The following AKAP3 variants were observed in gnomAD, a reference collection of about 807,000 sequenced individuals.
The protein encoded by AKAP3 is A-kinase anchoring protein 3.
AKAP3 carries 27 observed loss-of-function variants against 57.2 expected under a neutral mutation model. The observed-to-expected ratio is 0.47, with a 90% confidence interval of 0.35 to 0.65. AKAP3 has a LOEUF of 0.65. AKAP3 is among the 30% of genes least tolerant of loss of function. AKAP3 has a pLI of 0.01. For synonymous variants in AKAP3, 334 were observed against 392.3 expected (o/e 0.85, Z 1.76); for missense variants, 959 against 1,040.0 (o/e 0.92, Z 1.07).
intron 5 of AKAP3, among the ~76,000 whole-genome samples, chr12:4,620,431 C>T (rs910822920): frequency 7.8e-6 from 1 of 128,786 alleles, no homozygotes; most frequent in African/African-American, 3.0e-5. Flanking sequence ...GAGCCACGAT[C>T]GTGCCACTAC....
At chr12:4,636,303 C>T (rs563574650) in intron 4 of AKAP3, among the ~76,000 whole-genome samples, 64 of 152,340 alleles carry the variant, frequency 4.2e-4, no homozygotes, top group African/African-American at 1.3e-3. Context: ...AGGCATGGCC[C>T]GTAGGACGAG....
intron 5 of AKAP3, among the ~76,000 whole-genome samples, chr12:4,616,649 C>G (rs1201022576): frequency 6.6e-6 from 1 of 152,078 alleles, no homozygotes; most frequent in Admixed American, 6.6e-5. Context: ...AGAACTAAAA[C>G]TTACCTACAA....
rs1475620109 is a variant in AKAP3, at chr12:4,646,623, G to GAT, written c.-244-1433_-244-1432dup. Among the ~76,000 whole-genome samples, 4 of 151,604 alleles carry GAT rather than the reference G, an allele frequency of 2.6e-5. No homozygotes were observed. The East Asian group carries it at 7.8e-4, about 29-fold the overall frequency. On this transcript the variant is annotated intron_variant, in intron 1 of 5. Coordinates refer to ENST00000228850, the MANE Select transcript of AKAP3 (RefSeq NM_001278309.2). ...GGAGGCGGAAGTTGCAGTGAGCAGA[G>GAT]ATAGCACCATTGCACTCCAGCCTGG...
chr12:4,631,447 A>G (rs1591529565), intron 4 of AKAP3: 1 of 669,942 alleles, frequency 1.5e-6, no homozygotes. Flanking sequence ...AATTGAAGCT[A>G]TAAACTGTCT....
intron 4 of AKAP3, among the ~76,000 whole-genome samples, chr12:4,636,830 A>T (rs966161716): frequency 3.9e-5 from 6 of 152,062 alleles, no homozygotes; most frequent in African/African-American, 1.5e-4. Flanking sequence ...GCTCACTACG[A>T]CCTCAAACTC....
At position 4,628,077 on chromosome 12, in the gene AKAP3, A is replaced by T. The variant is rs759323301; in HGVS notation, c.825T>A (p.Asp275Glu). 6.2e-7 allele frequency: 1 copy of T among 1,614,164 alleles called. No homozygotes were observed. The highest frequency in any genetic ancestry group is 8.5e-7 in the Non-Finnish European group (1 of 1,180,022). The change falls in exon 5 of 6, where the codon GAT becomes GAA. Residue 275 changes from aspartate (D) to glutamate (E), a missense_variant. By Grantham distance (45) the Asp-to-Glu change is conservative. Coordinates refer to ENST00000228850, the MANE Select transcript of AKAP3 (RefSeq NM_001278309.2). ...RKRFRGQERP[D>E]DFTASVSEGI... ...CTTCACTAACAGAAGCCGTAAAGTC[A>T]TCAGGCCTTTCCTGCCCTCGAAACC... is the stretch of plus-strand genomic sequence containing the variant.
At position 4,628,248 on chromosome 12, in the gene AKAP3, C is replaced by T; in HGVS notation, c.654G>A (p.Leu218=). The part of the protein sequence containing the change: ...SPPNLKYKST[L]KIKESTKERQ... ...TTTCTTTGGTGCTCTCCTTGATCTTCAAAGTGGACTTGTATTTCAAATTTG... is the reference window on the plus strand; with the variant it reads ...TTTCTTTGGTGCTCTCCTTGATCTTTAAAGTGGACTTGTATTTCAAATTTG... Residue 218 remains leucine, a synonymous_variant, in exon 5 of 6, where the codon TTG becomes TTA. Transcript: ENST00000228850. The T allele has an allele frequency of 6.2e-7, 1 of 1,614,126 alleles. No individual in the cohort carries two copies. The highest frequency in any genetic ancestry group is 8.5e-7 in the Non-Finnish European group (1 of 1,179,980).
intron 1 of AKAP3, among the ~76,000 whole-genome samples, chr12:4,647,535 A>C: frequency 6.6e-6 from 1 of 152,082 alleles, no homozygotes; most frequent in Non-Finnish European, 1.5e-5. Context: ...GTGTTCTTTT[A>C]ATTACACCAT....
intron 4 of AKAP3, among the ~76,000 whole-genome samples, chr12:4,631,667 CT>C (rs1945500384): frequency 1.3e-5 from 2 of 152,250 alleles, no homozygotes; most frequent in South Asian, 4.1e-4. Context: ...GGAAATCAAG[CT>C]CCTAATACTT....
chr12:4,642,424 C>G (rs1591536573), intron 2 of AKAP3, among the ~76,000 whole-genome samples: 1 of 152,198 alleles, frequency 6.6e-6, no homozygotes, highest in East Asian at 1.9e-4. Flanking sequence ...GAGAGAAATA[C>G]ACACCCTCAA....
In AKAP3 at chr12:4,628,714, G is replaced by A. The variant is rs767693561; in HGVS notation, c.188C>T (p.Pro63Leu). 6.2e-7 allele frequency: 1 copy of A among 1,614,062 alleles called. No individual in the cohort carries two copies. Among genetic ancestry groups the A allele is most frequent in the African/African-American group, 1.3e-5 (1 of 74,930 alleles). ...CGTTTCCCCACCAAATGATTCTCCG[G>A]GTTTGAACCGAACATCTTGGAACTC... Reference protein sequence around the residue: ...TAEFQDVRFKPGESFGGETSN... With the variant: ...TAEFQDVRFKLGESFGGETSN... Residue 63 changes from proline to leucine, a missense_variant, in exon 5 of 6, where the codon CCC becomes CTC. Coordinates refer to ENST00000228850, the MANE Select transcript of AKAP3 (RefSeq NM_001278309.2).
intron 5 of AKAP3, among the ~76,000 whole-genome samples, chr12:4,621,118 A>T (rs1405773327): frequency 3.3e-5 from 5 of 152,098 alleles, no homozygotes; most frequent in South Asian, 4.1e-4. Context: ...AATAAAAAAT[A>T]AAAAAATTAA....
chr12:4,627,914 CCA>C lies in AKAP3; in HGVS notation c.986_987del (p.Val329GlyfsTer22). ...KKVLLKHAKE[V>X]VSDLIDSFLR... ...AAGAAGGAGTCGATGAGATCCGAGACCACCTCTTTTGCATGCTTGAGCAGAAC... is the reference window on the plus strand; with the variant it reads ...AAGAAGGAGTCGATGAGATCCGAGACCCTCTTTTGCATGCTTGAGCAGAAC... On this transcript the variant is annotated frameshift_variant, in exon 5 of 6. Transcript: ENST00000228850. LOFTEE classifies it high-confidence loss of function. The C allele has an allele frequency of 6.2e-7, 1 of 1,614,112 alleles. No individual in the cohort carries two copies.
chr12:4,619,323 C>G (rs1470159033), intron 5 of AKAP3, among the ~76,000 whole-genome samples: 1 of 152,142 alleles, frequency 6.6e-6, no homozygotes, highest in African/African-American at 2.4e-5. Flanking sequence ...CTTTGGGAGG[C>G]TGAGGTGTTC....
intron 5 of AKAP3, among the ~76,000 whole-genome samples, chr12:4,622,043 A>G (rs890375757): frequency 3.9e-5 from 6 of 152,162 alleles, no homozygotes; most frequent in African/African-American, 1.4e-4. Context: ...GGCAGAACAT[A>G]AAAAGAATAC....
At position 4,627,074 on chromosome 12, in the gene AKAP3, C is replaced by A; in HGVS notation, c.1828G>T (p.Asp610Tyr). Reference sequence around the variant, plus strand: ...GGCACCTTGGGTTCAGGGCTCTGGTCACGCTTGAAAATGGTCTCACTAAGT... The same window carrying A: ...GGCACCTTGGGTTCAGGGCTCTGGTAACGCTTGAAAATGGTCTCACTAAGT... ...NLLSETIFKR[D>Y]QSPEPKVPEQ... is the part of the protein sequence containing the mutation. The change falls in exon 5 of 6, where the codon GAC becomes TAC. Residue 610 changes from aspartate (D) to tyrosine (Y), a missense_variant. By Grantham distance (160) the Asp-to-Tyr change is radical. Transcript: ENST00000228850. 6.2e-7 allele frequency: 1 copy of A among 1,614,092 alleles called. No individual in the cohort carries two copies. The highest frequency in any genetic ancestry group is 8.5e-7 in the Non-Finnish European group (1 of 1,179,994).
intron 5 of AKAP3, among the ~76,000 whole-genome samples, chr12:4,621,301 A>T (rs1219996243): frequency 6.6e-6 from 1 of 152,192 alleles, no homozygotes; most frequent in Non-Finnish European, 1.5e-5. Flanking sequence ...AAAATATTTT[A>T]AAATATTTAT....
rs2137431847 is a variant in AKAP3, at chr12:4,626,766, A to G, written c.2136T>C (p.Asp712=). The G allele has an allele frequency of 6.2e-7, 1 of 1,614,010 alleles. No individual in the cohort carries two copies. Among genetic ancestry groups the G allele is most frequent in the East Asian group, 2.2e-5 (1 of 44,902 alleles). The change falls in exon 5 of 6, where the codon GAT becomes GAC. Residue 712 remains aspartate (D), a synonymous_variant. Transcript: ENST00000228850. ...TGGCTGGTAAGCACTCATATAAACT[A>G]TCTGGGAAGGCCGAAGTTAGCCTAC... ...DASRLTSAFP[D]SLYECLPAKG... is the part of the protein sequence containing the mutation.
At chr12:4,631,175 T>C (rs1318910223) in intron 4 of AKAP3, 4 of 525,348 alleles carry the variant, frequency 7.6e-6, no homozygotes, top group African/African-American at 2.0e-5. Flanking sequence ...TTATGGCCAA[T>C]TGGTGGCAGC....
Sources: allele counts gnomAD v4.1 joint callset (sites outside exome capture counted in the v4.1 genomes callset), GRCh38; gene constraint gnomAD v4.1.1; transcripts MANE v1.5; gene names NCBI Gene and HGNC (gene_info 2026-07-23, HGNC 2026-07-21).